HERC5: variants seen among roughly 807,000 people sequenced by gnomAD.
HERC5 encodes the protein HECT and RLD domain containing E3 ubiquitin protein ligase 5.
In HERC5, 99 loss-of-function variants were observed where a neutral mutation model predicts 119.6. The observed-to-expected ratio is 0.83, with a 90% CI of 0.70 to 0.98. The LOEUF (loss-of-function observed/expected upper bound fraction) is 0.98, where lower values mean the gene tolerates loss of function less well. HERC5 is among the 50% of genes least tolerant of loss of function. HERC5 has a pLI of 0.00. For missense variants in HERC5, 1,267 were observed against 1,241.3 expected (o/e 1.02, Z -0.31); for synonymous variants, 478 against 445.9 (o/e 1.07, Z -0.91).
chr4:88,496,869 C>T (rs1472317825), intron 18 of HERC5, among the ~76,000 whole-genome samples: 1 of 152,172 alleles, frequency 6.6e-6, no homozygotes, highest in African/African-American at 2.4e-5. Context: ...GTGTCCCCCA[C>T]AAAATTCATA....
At position 88,463,512 on chromosome 4, in the gene HERC5, C is replaced by T. The variant is rs1740523579; in HGVS notation, c.689-20C>T. The T allele has an allele frequency of 6.4e-7, 1 of 1,554,254 alleles. No homozygotes were observed. Among genetic ancestry groups the T allele is most frequent in the Admixed American group, 1.7e-5 (1 of 59,172 alleles). On this transcript the variant is annotated intron_variant, in intron 4 of 22. Coordinates refer to ENST00000264350, the MANE Select transcript of HERC5 (RefSeq NM_016323.4). ...CAGCATTTCCTTTTGGTCACTTCAG[C>T]TATTTTTTTCCTTACATAGGTAAAG...
At chr4:88,463,783 C>G in intron 5 of HERC5, 72 bp from the exon 6 acceptor site, 1 of 1,535,612 alleles carries the variant, frequency 6.5e-7, no homozygotes, top group East Asian at 2.3e-5. Flanking sequence ...ATTAGTGATT[C>G]ACTTTGCATC....
chr4:88,499,617 C>T (rs1741892282), intron 18 of HERC5, among the ~76,000 whole-genome samples: 2 of 152,214 alleles, frequency 1.3e-5, no homozygotes, highest in African/African-American at 4.8e-5. Flanking sequence ...AATGAATTCA[C>T]TATCAGTGAA....
intron 1 of HERC5, 80 bp from the exon 2 acceptor site, chr4:88,459,267 T>TA: frequency 8.5e-7 from 1 of 1,183,102 alleles, no homozygotes; most frequent in Admixed American, 2.9e-5. Context: ...CCAGATGTTT[T>TA]AAGTGTATTA....
At chr4:88,475,039 C>T (rs1328613645) in intron 11 of HERC5, among the ~76,000 whole-genome samples, 1 of 150,686 alleles carries the variant, frequency 6.6e-6, no homozygotes, top group Non-Finnish European at 1.5e-5. Context: ...AAACTAGAGT[C>T]TGTGGTAGAG....
rs762177633 is a variant in HERC5, at chr4:88,467,097, T to G, written c.950T>G (p.Val317Gly). The stretch of plus-strand genomic sequence containing the variant: ...GCCTATGTTTCTGATTTGGGAAAGG[T>G]CTTTTCCTTTGGTTCTGGAAAAGAT... ...TLAYVSDLGKVFSFGSGKDGQ... is the reference protein window; with the variant it reads ...TLAYVSDLGKGFSFGSGKDGQ... The change falls in exon 7 of 23, where the codon GTC (valine) becomes GGC (glycine). Residue 317 changes from valine (V) to glycine (G), a missense_variant. Around this residue, in one of 3 missense-constraint regions of HERC5, gnomAD observed 777 missense variants for 758.0 expected, o/e 1.03. Transcript: ENST00000264350. The G allele has an allele frequency of 6.2e-7, 1 of 1,614,160 alleles. No individual in the cohort carries two copies. Among genetic ancestry groups the G allele is most frequent in the Non-Finnish European group, 8.5e-7 (1 of 1,179,994 alleles).
At chr4:88,479,856 A>G (rs1051555106) in intron 13 of HERC5, among the ~76,000 whole-genome samples, 1 of 152,106 alleles carries the variant, frequency 6.6e-6, no homozygotes, top group Non-Finnish European at 1.5e-5. Context: ...TCACGAGGTC[A>G]GGAGATCGAG....
At chr4:88,457,780 C>CG (rs1343550837) in intron 1 of HERC5, 1 of 652,708 alleles carries the variant, frequency 1.5e-6, no homozygotes, top group African/African-American at 1.9e-5. Flanking sequence ...GTGGCCGGTG[C>CG]GGGGCATGCG....
intron 3 of HERC5, among the ~76,000 whole-genome samples, 159 bp downstream of exon 3, chr4:88,460,330 G>T (rs1740382065): frequency 6.6e-6 from 1 of 152,154 alleles, no homozygotes; most frequent in Non-Finnish European, 1.5e-5. Flanking sequence ...CATAATGAGA[G>T]AATTCTTGGA....
intron 1 of HERC5, chr4:88,458,117 GTTTATC>G (rs1259258088): frequency 8.2e-6 from 8 of 972,644 alleles, no homozygotes; most frequent in Non-Finnish European, 4.9e-6. Flanking sequence ...TAAATTGCCT[GTTTATC>G]TTTGCCTGGC....
At chr4:88,459,559 C>G in intron 2 of HERC5, 89 bp downstream of exon 2, 4 of 817,148 alleles carry the variant, frequency 4.9e-6, no homozygotes, top group Non-Finnish European at 7.4e-6. Flanking sequence ...TTGTCCCCTG[C>G]TTTATATAGT....
chr4:88,488,229 T>A (rs939411554), intron 15 of HERC5, among the ~76,000 whole-genome samples: 2 of 151,386 alleles, frequency 1.3e-5, no homozygotes, highest in Non-Finnish European at 2.9e-5. Flanking sequence ...ATAGACTTTT[T>A]TTTTCTTTTT....
In HERC5 at chr4:88,479,358, T is replaced by C. The variant is rs1158755139; in HGVS notation, c.1588T>C (p.Tyr530His). The change falls in exon 13 of 23, where the codon TAT becomes CAT. Residue 530 changes from tyrosine to histidine, a missense_variant. Around this residue, in one of 3 missense-constraint regions of HERC5, gnomAD observed 777 missense variants for 758.0 expected, o/e 1.03. Transcript: ENST00000264350. ...SDQSSLVLEE[Y>H]WATLQESTFS... ...GCTTTCCTTGTGTTCCTCAGAAGAG[T>C]ATTGGGCAACTCTGCAAGAATCCAC... 6.3e-7 allele frequency: 1 copy of C among 1,590,872 alleles called. No individual in the cohort carries two copies. The highest frequency in any genetic ancestry group is 8.5e-7 in the Non-Finnish European group (1 of 1,172,942).
Position 88,504,593 on chromosome 4 carries a change from C to G in HERC5, c.2865C>G (p.Phe955Leu). The stretch of plus-strand genomic sequence containing the variant: ...TGACTCTGGAAGAAAAGAAAAAATT[C>G]CTTGGTAAGTATTATATCAAGGAAT... Reference protein sequence around the residue: ...HKLTLEEKKKFLVFLTGTDRL... With the variant: ...HKLTLEEKKKLLVFLTGTDRL... Residue 955 changes from phenylalanine to leucine, a missense_variant, in exon 22 of 23, where the codon TTC becomes TTG. Phe to Leu is a conservative substitution (Grantham distance 22, BLOSUM62 0). Transcript: ENST00000264350. The G allele has an allele frequency of 6.5e-7, 1 of 1,540,792 alleles. No homozygotes were observed. Among genetic ancestry groups the G allele is most frequent in the Non-Finnish European group, 8.7e-7 (1 of 1,144,150 alleles).
chr4:88,476,083 G>A, intron 12 of HERC5, 53 bp downstream of exon 12: 1 of 1,427,944 alleles, frequency 7.0e-7, no homozygotes, highest in Non-Finnish European at 9.6e-7. Flanking sequence ...GGAAAGACAT[G>A]TCTAGTAAAG....
intron 13 of HERC5, 110 bp from the exon 14 acceptor site, chr4:88,486,005 T>G (rs1013156913): frequency 3.1e-5 from 17 of 540,428 alleles, no homozygotes; most frequent in Non-Finnish European, 5.5e-5. Context: ...TTTATTCTGG[T>G]CATTATAAGA....
chr4:88,481,345 G>T (rs1256269750), intron 13 of HERC5, among the ~76,000 whole-genome samples: 1 of 152,072 alleles, frequency 6.6e-6, no homozygotes, highest in Non-Finnish European at 1.5e-5. Flanking sequence ...GAGCCACTGT[G>T]CCAGGCCAAT....
intron 13 of HERC5, among the ~76,000 whole-genome samples, chr4:88,481,565 A>G (rs1372342997): frequency 6.6e-6 from 1 of 152,046 alleles, no homozygotes; most frequent in Non-Finnish European, 1.5e-5. Flanking sequence ...TCTTGTTTTA[A>G]ACTTTTTTTC....
intron 1 of HERC5, among the ~76,000 whole-genome samples, chr4:88,458,805 GC>G (rs2149081890): frequency 6.6e-6 from 1 of 152,240 alleles, no homozygotes; most frequent in South Asian, 2.1e-4. Context: ...GTGCACTAAT[GC>G]CAATGAAAAA....
Sources: allele counts gnomAD v4.1 joint callset (sites outside exome capture counted in the v4.1 genomes callset), GRCh38; gene constraint gnomAD v4.1.1; regional missense constraint gnomAD v4.1.1; transcripts MANE v1.5; gene names NCBI Gene and HGNC (gene_info 2026-07-23, HGNC 2026-07-21).